PXDN: variants seen among roughly 807,000 people sequenced by gnomAD.
PXDN encodes peroxidasin.
In PXDN, 77 loss-of-function variants were observed where a neutral mutation model predicts 140.3. That is an observed-to-expected ratio of 0.55 (90% CI 0.46 to 0.66). PXDN has a LOEUF of 0.66. PXDN is among the 30% of genes least tolerant of loss of function. The probability of loss-of-function intolerance (pLI) is 0.00; values close to 1 mark genes in which losing one functional copy is unlikely to be tolerated. For missense variants in PXDN, 1,838 were observed against 2,039.5 expected (o/e 0.90, Z 1.90); for synonymous variants, 911 against 857.4 (o/e 1.06, Z -1.09).
rs1176648254 is a variant in PXDN at position 1,687,853 on chromosome 2, G to A, written c.345-150C>T. The A allele has an allele frequency of 1.8e-6, 1 of 561,322 alleles. No individual in the cohort carries two copies. The highest frequency in any genetic ancestry group is 3.0e-6 in the Non-Finnish European group (1 of 332,458). 34.8% of individuals were successfully genotyped at this position (561,322 alleles called of 1,614,324 possible). A position where few individuals can be genotyped will look rare whatever the true frequency, so the allele number is the denominator to read the frequency against. ...AAACCATCTGCACGGTGAGTACAGT[G>A]CCTCTCCCAAGGGCTTCCCTTCCCT... On this transcript the variant is annotated intron_variant, in intron 3 of 22. Transcript: ENST00000252804. This position sits in a 1 kb window ranked among gnomAD's most constrained non-coding sequence, Gnocchi z 4.0.
intron 1 of PXDN, among the ~76,000 whole-genome samples, chr2:1,742,260 G>A (rs10188708): frequency 6.6e-6 from 1 of 152,054 alleles, no homozygotes; most frequent in Admixed American, 6.5e-5. Flanking sequence ...AGTTCTATAA[G>A]GGATTCGATC....
At chr2:1,652,759 A>AT (rs1263607573) in intron 16 of PXDN, among the ~76,000 whole-genome samples, 1 of 152,220 alleles carries the variant, frequency 6.6e-6, no homozygotes, top group East Asian at 1.9e-4. Context: ...AGACGGGCAT[A>AT]TATCACCCTA....
In PXDN at chr2:1,744,267, C is replaced by T; in HGVS notation, c.189G>A (p.Gln63=). 1 of 1,517,626 alleles carries T rather than the reference C, an allele frequency of 6.6e-7. No individual in the cohort carries two copies. The allele number at this position is 1,517,626 out of a possible 1,614,324, so 94.0% of individuals were successfully genotyped here. Residue 63 remains glutamine, a synonymous_variant, in exon 1 of 23, where the codon CAG becomes CAA. Coordinates refer to ENST00000252804, the MANE Select transcript of PXDN (RefSeq NM_012293.3). The part of the protein sequence containing the change: ...LLEAVPAVAP[Q]TSILDLRFNR... The stretch of plus-strand genomic sequence containing the variant: ...CCCGCGGCACTCACAGGATGGAGGT[C>T]TGCGGCGCCACGGCGGGCACGGCCT...
At chr2:1,681,565 AG>A (rs1683907381) in intron 6 of PXDN, among the ~76,000 whole-genome samples, 1 of 151,572 alleles carries the variant, frequency 6.6e-6, no homozygotes, top group African/African-American at 2.4e-5. Flanking sequence ...TGGCTCCAGG[AG>A]GGGAAGGGGA....
At position 1,666,302 on chromosome 2, in the gene PXDN, G is replaced by A. The variant is rs1381055153; in HGVS notation, c.1203C>T (p.Asn401=). 3.7e-6 allele frequency: 6 copies of A among 1,613,922 alleles called. No homozygotes were observed. The East Asian group carries it at 6.7e-5, about 18-fold the overall frequency. Residue 401 remains asparagine, a synonymous_variant, in exon 10 of 23, where the codon AAC becomes AAT. Transcript: ENST00000252804. ...ITPSGGLYIQ[N]VVQGDSGEYA... is the part of the protein sequence containing the mutation. ...ACTCTCCGCTGTCCCCCTGTACGAC[G>A]TTCTGTATGTAAAGCCCGCCAGAAG...
intron 12 of PXDN, among the ~76,000 whole-genome samples, chr2:1,663,140 T>TGAAGAC: frequency 6.6e-6 from 1 of 152,032 alleles, no homozygotes; most frequent in Non-Finnish European, 1.5e-5. Flanking sequence ...AAGAACAAGA[T>TGAAGAC]GAAGACCAGG....
chr2:1,648,733 T>C lies in PXDN; in HGVS notation c.3047A>G (p.Tyr1016Cys), dbSNP rs1383931163. 4 of 1,605,076 alleles carry C rather than the reference T, an allele frequency of 2.5e-6. No individual in the cohort carries two copies. Among genetic ancestry groups the C allele is most frequent in the Non-Finnish European group, 3.4e-6 (4 of 1,176,288 alleles). Reference sequence around the variant, plus strand: ...CGCACCCACGATCTTCCTGGTCTCATAGTAGATGGTGTCGCCGTCCCAGTG... The same window carrying C: ...CGCACCCACGATCTTCCTGGTCTCACAGTAGATGGTGTCGCCGTCCCAGTG... ...NPHWDGDTIYYETRKIVGAEI... is the reference protein window; with the variant it reads ...NPHWDGDTIYCETRKIVGAEI... The change falls in exon 17 of 23, where the codon TAT (tyrosine) becomes TGT (cysteine). Residue 1016 changes from tyrosine to cysteine, a missense_variant. By Grantham distance (194) the Tyr-to-Cys change is radical. This residue lies in a region of PXDN where 850 missense variants were observed against 894.1 expected (regional missense o/e 0.95). Transcript: ENST00000252804. This position sits in a 1 kb window ranked among gnomAD's most constrained non-coding sequence, Gnocchi z 8.9.
intron 1 of PXDN, among the ~76,000 whole-genome samples, chr2:1,710,230 G>A (rs925505291): frequency 5.3e-5 from 8 of 152,180 alleles, no homozygotes; most frequent in Admixed American, 1.3e-4. Flanking sequence ...AACAGCTGCC[G>A]TCTGCTGCTC....
intron 14 of PXDN, among the ~76,000 whole-genome samples, chr2:1,657,414 C>G (rs923076591): frequency 6.6e-6 from 1 of 151,790 alleles, no homozygotes; most frequent in African/African-American, 2.4e-5. Flanking sequence ...GGGGACCTGC[C>G]CTGTCCTAAC....
intron 14 of PXDN, among the ~76,000 whole-genome samples, chr2:1,655,025 C>T (rs1433413133): frequency 6.6e-6 from 1 of 151,930 alleles, no homozygotes; most frequent in Non-Finnish European, 1.5e-5. Context: ...CCTCCTCACA[C>T]ACACCACACA....
At chr2:1,742,726 T>C (rs1685574997) in intron 1 of PXDN, among the ~76,000 whole-genome samples, 1 of 152,170 alleles carries the variant, frequency 6.6e-6, no homozygotes, top group Non-Finnish European at 1.5e-5. Flanking sequence ...TTGAGTGAGA[T>C]GCCCCCGAGT....
chr2:1,641,204 T>C (rs1177126146), intron 19 of PXDN, among the ~76,000 whole-genome samples: 3 of 152,218 alleles, frequency 2.0e-5, no homozygotes, highest in Non-Finnish European at 4.4e-5. Flanking sequence ...CAGGCTGGGG[T>C]ACAATGGCAC....
At chr2:1,653,953 AAAAC>A (rs1186776362) in intron 15 of PXDN, 168 bp from the exon 16 acceptor site, 32 of 790,978 alleles carry the variant, frequency 4.0e-5, no homozygotes, top group East Asian at 8.3e-5. Flanking sequence ...AAACAAAAAC[AAAAC>A]AAACAGACAA....
chr2:1,744,456 G>T lies in PXDN; in HGVS notation c.-1C>A. The stretch of plus-strand genomic sequence containing the variant: ...CGGGGCCCCTGGAGCGCTTGGCCAT[G>T]GCCGACGGCGCGGACGGACGCTCGG... On this transcript the variant is annotated 5_prime_UTR_variant, in exon 1 of 23. Transcript: ENST00000252804. 6.2e-6 allele frequency: 9 copies of T among 1,461,014 alleles called. No individual in the cohort carries two copies. The highest frequency in any genetic ancestry group is 8.1e-6 in the Non-Finnish European group (9 of 1,114,076). 90.5% of individuals were successfully genotyped at this position (1,461,014 alleles called of 1,614,324 possible).
At chr2:1,735,378 C>T (rs1685406622) in intron 1 of PXDN, among the ~76,000 whole-genome samples, 1 of 152,266 alleles carries the variant, frequency 6.6e-6, no homozygotes, top group East Asian at 1.9e-4. Flanking sequence ...ATAGCAGTTA[C>T]AGTATTATGG....
rs373422809 is a variant in PXDN at position 1,648,699 on chromosome 2, C to T, written c.3081G>A (p.Gln1027=). 6.8e-6 allele frequency: 11 copies of T among 1,606,436 alleles called. 1 individual carries two copies. The African/African-American group carries it at 1.2e-4, about 18-fold the overall frequency. ...GGAGCCAGTGCTGGTAGGTGATGTG[C>T]TGGATCTCCGCACCCACGATCTTCC... ...ETRKIVGAEI[Q]HITYQHWLPK... Residue 1027 remains glutamine (Q), a synonymous_variant, in exon 17 of 23, where the codon CAG becomes CAA. Transcript: ENST00000252804. This position sits in a 1 kb window ranked among gnomAD's most constrained non-coding sequence, Gnocchi z 8.9.
rs1683370517 is a variant in PXDN at position 1,663,961 on chromosome 2, C to T, written c.1409-198G>A. On this transcript the variant is annotated intron_variant, in intron 11 of 22. Transcript: ENST00000252804. ...CCTGAACGTCCCTGCACCCGTAACT[C>T]AGACAGAGGGGTTGACAGTGGCAGA... 9.9e-6 allele frequency: 6 copies of T among 607,430 alleles called. No individual in the cohort carries two copies. In the South Asian group the frequency reaches 1.2e-4, roughly 12 times the overall value. 37.6% of individuals were successfully genotyped at this position (607,430 alleles called of 1,614,324 possible).
rs1210133480 is a variant in PXDN, at chr2:1,702,990, G to T, written c.201-9856C>A. Among the ~76,000 whole-genome samples the T allele has an allele frequency of 1.5e-3, 172 of 112,038 alleles. 5 individuals are homozygous for T. The highest frequency in any genetic ancestry group is 6.5e-3 in the African/African-American group (160 of 24,718). 73.5% of individuals were successfully genotyped at this position (112,038 alleles called of 152,430 possible). ...AAAGGCGGGACAACTCCAGGTGAAG[G>T]GGGGGACAACTCCAGGTGAAGGGGG... is the stretch of plus-strand genomic sequence containing the variant. On this transcript the variant is annotated intron_variant, in intron 1 of 22. Transcript: ENST00000252804.
At chr2:1,656,376 T>C (rs966118796) in intron 14 of PXDN, among the ~76,000 whole-genome samples, 3 of 152,216 alleles carry the variant, frequency 2.0e-5, no homozygotes, top group Admixed American at 1.3e-4. Flanking sequence ...AAATCCAAAG[T>C]TGATTTCATT....
Sources: allele counts gnomAD v4.1 joint callset (sites outside exome capture counted in the v4.1 genomes callset), GRCh38; gene constraint gnomAD v4.1.1; regional missense constraint gnomAD v4.1.1; non-coding constraint Gnocchi (gnomAD v3.1); transcripts MANE v1.5; gene names NCBI Gene and HGNC (gene_info 2026-07-23, HGNC 2026-07-21).